BABAM2: variants seen among roughly 807,000 people sequenced by gnomAD.
The protein encoded by BABAM2 is BRISC and BRCA1 A complex member 2, also known as BRISC and BRCA1-A complex member 2.
In BABAM2, 31 loss-of-function variants were observed where a neutral mutation model predicts 54.7. The ratio of observed to expected loss-of-function variants is 0.57; its 90% confidence interval spans 0.43 to 0.77. The LOEUF is 0.77. Ranked by LOEUF, BABAM2 falls within the 30% of genes least tolerant of loss-of-function variation. The probability of loss-of-function intolerance (pLI) is 0.00; values close to 1 mark genes in which losing one functional copy is unlikely to be tolerated. For synonymous variants in BABAM2, 167 were observed against 162.9 expected (o/e 1.03, Z -0.19); for missense variants, 364 against 455.8 (o/e 0.80, Z 1.83).
intron 2 of BABAM2, among the ~76,000 whole-genome samples, chr2:27,911,239 A>G (rs551144621): frequency 5.9e-5 from 9 of 152,288 alleles, no homozygotes; most frequent in African/African-American, 2.2e-4. Flanking sequence ...AGTATTATGA[A>G]TAGTGCCATT....
At chr2:28,095,559 A>G (rs1240685122) in intron 6 of BABAM2, among the ~76,000 whole-genome samples, 1 of 152,056 alleles carries the variant, frequency 6.6e-6, no homozygotes, top group Admixed American at 6.6e-5. Context: ...ACACCTTTAC[A>G]CTCAACGTAA....
intron 6 of BABAM2, among the ~76,000 whole-genome samples, chr2:28,111,615 C>A (rs1038864231): frequency 1.6e-4 from 25 of 152,210 alleles, no homozygotes; most frequent in Non-Finnish European, 5.9e-5. Context: ...CATCTGTGTT[C>A]TCCTGTTTAA....
chr2:28,107,028 A>G (rs55796876), intron 6 of BABAM2, among the ~76,000 whole-genome samples: 109,055 of 152,092 alleles, frequency 0.72, 40,050 homozygotes, highest in Middle Eastern at 0.85. Flanking sequence ...TGATAAATCT[A>G]GTTCACATTA....
At chr2:28,061,735 A>C (rs773899611) in intron 6 of BABAM2, among the ~76,000 whole-genome samples, 8 of 152,112 alleles carry the variant, frequency 5.3e-5, no homozygotes, top group Admixed American at 2.0e-4. Flanking sequence ...ACCTGAAACT[A>C]TACAACTTCT....
intron 5 of BABAM2, among the ~76,000 whole-genome samples, chr2:28,040,755 C>T (rs1240542100): frequency 6.6e-6 from 1 of 152,124 alleles, no homozygotes; most frequent in East Asian, 1.9e-4. Flanking sequence ...TCCCAAATTC[C>T]CTTCATAGTA....
intron 7 of BABAM2, among the ~76,000 whole-genome samples, chr2:28,172,879 A>T (rs190820365): frequency 2.2e-4 from 33 of 152,330 alleles, no homozygotes; most frequent in African/African-American, 7.2e-4. Flanking sequence ...GACTTAAACA[A>T]TAGAAATGTA....
chr2:28,249,251 G>C (rs1186902814), intron 10 of BABAM2, among the ~76,000 whole-genome samples: 1 of 151,954 alleles, frequency 6.6e-6, no homozygotes, highest in Non-Finnish European at 1.5e-5. Context: ...ACCATGCCCG[G>C]CTAATTTTTG....
intron 10 of BABAM2, among the ~76,000 whole-genome samples, chr2:28,253,652 C>G (rs927300311): frequency 7.9e-5 from 12 of 152,254 alleles, no homozygotes; most frequent in African/African-American, 2.6e-4. Flanking sequence ...TTGACAGTAT[C>G]CCCAGGTATG....
At chr2:28,129,185 C>A in intron 6 of BABAM2, 86 bp from the exon 7 acceptor site, 3 of 1,258,302 alleles carry the variant, frequency 2.4e-6, no homozygotes, top group South Asian at 1.2e-5. Flanking sequence ...ACAGTCATGG[C>A]TTCAATGCCA....
intron 10 of BABAM2, among the ~76,000 whole-genome samples, chr2:28,280,068 T>G (rs967938601): frequency 1.3e-5 from 2 of 152,084 alleles, no homozygotes; most frequent in Non-Finnish European, 1.5e-5. Flanking sequence ...ACTAATTTTT[T>G]TTTTTTTTGA....
At chr2:28,056,236 C>T (rs556435513) in intron 6 of BABAM2, among the ~76,000 whole-genome samples, 1 of 152,154 alleles carries the variant, frequency 6.6e-6, no homozygotes, top group Admixed American at 6.5e-5. Context: ...ATATGGAATT[C>T]ATGCTAAATG....
chr2:28,026,889 TATATATAAATATATATAA>T (rs1558667524), intron 5 of BABAM2, among the ~76,000 whole-genome samples: 15 of 27,208 alleles, frequency 5.5e-4, no homozygotes, highest in Non-Finnish European at 9.7e-4. Context: ...TATATATAGA[TATATATAAATATATATAA>T]ATATATATTA....
intron 4 of BABAM2, among the ~76,000 whole-genome samples, chr2:28,003,462 G>A (rs746998411): frequency 2.0e-4 from 30 of 152,056 alleles, no homozygotes; most frequent in Non-Finnish European, 1.2e-4. Flanking sequence ...ATGGTGGTGC[G>A]CACCTGTAAT....
intron 4 of BABAM2, among the ~76,000 whole-genome samples, chr2:27,998,657 G>A (rs1286192233): frequency 2.0e-5 from 3 of 152,058 alleles, no homozygotes; most frequent in African/African-American, 7.2e-5. Flanking sequence ...GTTACTCATA[G>A]AGAGTTCCAC....
intron 4 of BABAM2, among the ~76,000 whole-genome samples, chr2:28,003,178 C>T (rs1673701359): frequency 6.6e-6 from 1 of 152,094 alleles, no homozygotes; most frequent in African/African-American, 2.4e-5. Context: ...AAGAAAATGA[C>T]ATTAAAGCTT....
intron 7 of BABAM2, among the ~76,000 whole-genome samples, chr2:28,175,293 G>A (rs148531346): frequency 6.6e-6 from 1 of 152,284 alleles, no homozygotes; most frequent in African/African-American, 2.4e-5. Flanking sequence ...GGCTTTGCCT[G>A]CTTATAACTA....
intron 6 of BABAM2, among the ~76,000 whole-genome samples, chr2:28,091,987 C>T (rs1163106710): frequency 6.6e-6 from 1 of 151,950 alleles, no homozygotes; most frequent in Non-Finnish European, 1.5e-5. Context: ...AAGAATAACT[C>T]TTTGTACCAA....
In BABAM2 at chr2:27,905,293, C is replaced by T. The variant is rs1406937877; in HGVS notation, c.128+10609C>T. Among the ~76,000 whole-genome samples the T allele has an allele frequency of 2.0e-5, 3 of 152,204 alleles. No individual in the cohort carries two copies. The South Asian group carries it at 6.2e-4, about 32-fold the overall frequency. ...TAGGGGTTGGAACACAGGAAGCCAT[C>T]TTTAGAGGGGTTGTGTGGCAGGATA... On this transcript the variant is annotated intron_variant, in intron 2 of 11. Coordinates refer to ENST00000379624, the MANE Select transcript of BABAM2 (RefSeq NM_199191.3).
At chr2:28,200,053 A>G (rs1362542022) in intron 7 of BABAM2, among the ~76,000 whole-genome samples, 2 of 152,208 alleles carry the variant, frequency 1.3e-5, no homozygotes, top group Non-Finnish European at 2.9e-5. Context: ...GGGAAATATA[A>G]TACACATTTT....
Sources: allele counts gnomAD v4.1 joint callset (sites outside exome capture counted in the v4.1 genomes callset), GRCh38; gene constraint gnomAD v4.1.1; transcripts MANE v1.5; gene names NCBI Gene and HGNC (gene_info 2026-07-23, HGNC 2026-07-21).